The following VWC2L variants were observed in gnomAD, a reference collection of about 807,000 sequenced individuals.
The protein encoded by VWC2L is von Willebrand factor C domain containing 2 like, also known as von Willebrand factor C domain-containing protein 2-like.
Under a neutral mutation model 21.6 loss-of-function variants are expected in VWC2L, and 10 were observed. That is an observed-to-expected ratio of 0.46 (90% CI 0.29 to 0.78). The LOEUF (loss-of-function observed/expected upper bound fraction) is 0.78. VWC2L is among the 30% of genes least tolerant of loss of function. The pLI is 0.10. For synonymous variants in VWC2L, 96 were observed against 94.3 expected (o/e 1.02, Z -0.10); for missense variants, 209 against 277.1 (o/e 0.75, Z 1.74).
chr2:214,545,929 C>T (rs1425522835), intron 3 of VWC2L, among the ~76,000 whole-genome samples: 1 of 152,176 alleles, frequency 6.6e-6, no homozygotes, highest in Non-Finnish European at 1.5e-5. Context: ...CACATACATA[C>T]TAGAATACTA....
chr2:214,470,916 CAAAAAAAAAA>C (rs56041924), intron 3 of VWC2L, among the ~76,000 whole-genome samples: 91 of 50,808 alleles, frequency 1.8e-3, no homozygotes, highest in Middle Eastern at 0.018. Context: ...AACTCCATCT[CAAAAAAAAAA>C]AAAAAAAAAA....
chr2:214,451,317 G>C (rs529548197), intron 3 of VWC2L, among the ~76,000 whole-genome samples: 5 of 149,334 alleles, frequency 3.3e-5, no homozygotes, highest in South Asian at 4.4e-4. Context: ...GTGGGGGGGG[G>C]GGGCAGTAAA....
chr2:214,419,363 A>C (rs868546685), intron 2 of VWC2L, among the ~76,000 whole-genome samples: 132 of 152,318 alleles, frequency 8.7e-4, no homozygotes, highest in African/African-American at 3.0e-3. Context: ...ATGTAGGCTT[A>C]ACTATCTTAA....
At chr2:214,456,630 C>T (rs930404870) in intron 3 of VWC2L, among the ~76,000 whole-genome samples, 4 of 151,968 alleles carry the variant, frequency 2.6e-5, no homozygotes, top group African/African-American at 7.2e-5. Flanking sequence ...ACTTTTGAGG[C>T]GTTAGCCATA....
intron 3 of VWC2L, among the ~76,000 whole-genome samples, chr2:214,545,905 C>T (rs938878725): frequency 1.3e-5 from 2 of 152,178 alleles, no homozygotes; most frequent in Non-Finnish European, 1.5e-5. Context: ...TCAAATTTTA[C>T]ACACTACATC....
intron 2 of VWC2L, among the ~76,000 whole-genome samples, chr2:214,430,105 T>C (rs991889584): frequency 6.6e-6 from 1 of 151,602 alleles, no homozygotes; most frequent in Admixed American, 6.6e-5. Context: ...ATTACAAGCG[T>C]GAGCCACCGT....
At chr2:214,558,879 T>C (rs1689918930) in intron 3 of VWC2L, among the ~76,000 whole-genome samples, 1 of 152,164 alleles carries the variant, frequency 6.6e-6, no homozygotes, top group East Asian at 1.9e-4. Context: ...TTTTAAATTT[T>C]TTTTATTATA....
At chr2:214,460,355 A>G (rs528932037) in intron 3 of VWC2L, among the ~76,000 whole-genome samples, 4 of 152,286 alleles carry the variant, frequency 2.6e-5, no homozygotes, top group Admixed American at 6.5e-5. Context: ...CAGATTTACT[A>G]TATCTTTGCT....
chr2:214,542,843 C>T (rs1423416115), intron 3 of VWC2L, among the ~76,000 whole-genome samples: 1 of 152,162 alleles, frequency 6.6e-6, no homozygotes, highest in Non-Finnish European at 1.5e-5. Context: ...CTCCACATTA[C>T]TGAAACTTGT....
At chr2:214,504,007 G>A (rs1027375673) in intron 3 of VWC2L, among the ~76,000 whole-genome samples, 7 of 152,204 alleles carry the variant, frequency 4.6e-5, no homozygotes, top group African/African-American at 1.7e-4. Context: ...TTAGACACTG[G>A]CTAAAACAAG....
intron 3 of VWC2L, among the ~76,000 whole-genome samples, chr2:214,575,436 G>T (rs563739899): frequency 1.3e-5 from 2 of 152,118 alleles, no homozygotes; most frequent in Admixed American, 6.5e-5. Context: ...GATTTTTTTT[G>T]AAGATTGTCT....
At chr2:214,462,082 T>C (rs544371997) in intron 3 of VWC2L, among the ~76,000 whole-genome samples, 20 of 152,162 alleles carry the variant, frequency 1.3e-4, no homozygotes, top group Admixed American at 2.0e-4. Flanking sequence ...GGAGAAGCTA[T>C]TGGGGCCCAG....
At position 214,533,549 on chromosome 2, in the gene VWC2L, GA is replaced by G. The variant is rs35750110; in HGVS notation, c.521-42112del. Among the ~76,000 whole-genome samples, 106 of 141,678 alleles carry G rather than the reference GA, an allele frequency of 7.5e-4. 1 individual carries two copies. Among genetic ancestry groups the G allele is most frequent in the South Asian group, 3.8e-3 (17 of 4,438 alleles). The allele number at this position is 141,678 out of a possible 152,430, so 92.9% of individuals were successfully genotyped here. On this transcript the variant is annotated intron_variant, in intron 3 of 3. Coordinates refer to ENST00000312504, the MANE Select transcript of VWC2L (RefSeq NM_001080500.4). Reference sequence around the variant, plus strand: ...CCTTGTAGGGCATAGAGGGGAAAAAGAAAAAAAAAAAGCCAAGAGATTTAAT... The same window carrying G: ...CCTTGTAGGGCATAGAGGGGAAAAAGAAAAAAAAAAGCCAAGAGATTTAAT...
intron 3 of VWC2L, among the ~76,000 whole-genome samples, chr2:214,525,022 A>G (rs562754190): frequency 7.1e-6 from 1 of 140,186 alleles, no homozygotes; most frequent in East Asian, 2.1e-4. Context: ...GCTTGGGTGC[A>G]AGAAGAGTTC....
chr2:214,524,572 C>T (rs761932256), intron 3 of VWC2L, among the ~76,000 whole-genome samples: 5 of 152,148 alleles, frequency 3.3e-5, no homozygotes, highest in African/African-American at 4.8e-5. Flanking sequence ...TCGTTCCACA[C>T]GTATTTATTA....
chr2:214,509,417 C>G (rs779204724), intron 3 of VWC2L, among the ~76,000 whole-genome samples: 16 of 151,840 alleles, frequency 1.1e-4, no homozygotes, highest in Non-Finnish European at 2.1e-4. Context: ...CTATATACCC[C>G]AAGACAGAAT....
intron 3 of VWC2L, among the ~76,000 whole-genome samples, chr2:214,551,556 T>C (rs1689795097): frequency 6.6e-6 from 1 of 152,238 alleles, no homozygotes; most frequent in Admixed American, 6.5e-5. Flanking sequence ...GCTGGCAGTG[T>C]AATATTTCTC....
chr2:214,569,576 C>T (rs1176054606), intron 3 of VWC2L, among the ~76,000 whole-genome samples: 7 of 152,182 alleles, frequency 4.6e-5, no homozygotes, highest in African/African-American at 1.7e-4. Context: ...TAACTATTTG[C>T]TCTCGCAAGC....
chr2:214,522,524 G>A (rs1689261480), intron 3 of VWC2L, among the ~76,000 whole-genome samples: 1 of 151,838 alleles, frequency 6.6e-6, no homozygotes. Context: ...AAGATGTTTC[G>A]TTACAGGCAT....
Sources: allele counts gnomAD v4.1 joint callset (sites outside exome capture counted in the v4.1 genomes callset), GRCh38; gene constraint gnomAD v4.1.1; transcripts MANE v1.5; gene names NCBI Gene and HGNC (gene_info 2026-07-23, HGNC 2026-07-21).